Variants in HDAC7 observed in about 807,000 individuals in gnomAD.
The protein encoded by HDAC7 is histone deacetylase 7A.
HDAC7 carries 26 observed loss-of-function variants against 115.5 expected under a neutral mutation model. The observed-to-expected ratio is 0.23, with a 90% confidence interval of 0.16 to 0.31. The LOEUF is 0.31. Among genes scored for constraint, HDAC7 ranks in the 10% least tolerant of loss-of-function variants. The pLI, the probability that HDAC7 is intolerant of heterozygous loss-of-function variation, is 1.00. For synonymous variants in HDAC7, 564 were observed against 550.9 expected (o/e 1.02, Z -0.33); for missense variants, 1,068 against 1,329.0 (o/e 0.80, Z 3.05).
chr12:47,804,913 T>A (rs529421339), intron 1 of HDAC7, among the ~76,000 whole-genome samples: 2 of 152,210 alleles, frequency 1.3e-5, no homozygotes, highest in South Asian at 4.1e-4. Flanking sequence ...CCAGCAGGTA[T>A]GACTTTGCCT....
At chr12:47,784,999 C>T (rs1007300463) in intron 24 of HDAC7, 27 of 589,054 alleles carry the variant, frequency 4.6e-5, no homozygotes, top group South Asian at 1.4e-4. Flanking sequence ...TATCCCAAGA[C>T]GCAGCCCCCA....
At position 47,795,797 on chromosome 12, in the gene HDAC7, A is replaced by C. The variant is rs1943793973; in HGVS notation, c.907-30T>G. On this transcript the variant is annotated intron_variant, in intron 9 of 25. Coordinates refer to ENST00000080059, the MANE Select transcript of HDAC7 (RefSeq NM_015401.5). This position sits in a 1 kb window ranked among gnomAD's most constrained non-coding sequence, Gnocchi z 4.3. The stretch of plus-strand genomic sequence containing the variant: ...GGGAGAGGCGGGAGAAGTCACGGGG[A>C]AGAAGATTCCAGCAGAGAACAATGA... 7 of 1,517,458 alleles carry C rather than the reference A, an allele frequency of 4.6e-6. No individual in the cohort carries two copies. The highest frequency in any genetic ancestry group is 1.4e-5 in the African/African-American group (1 of 72,086). The allele number at this position is 1,517,458 out of a possible 1,614,324, so 94.0% of individuals were successfully genotyped here. A position where few individuals can be genotyped will look rare whatever the true frequency, so the allele number is the denominator to read the frequency against.
chr12:47,791,949 G>A lies in HDAC7; in HGVS notation c.1734C>T (p.Ser578=), dbSNP rs527562410. The change falls in exon 14 of 26, where the codon AGC becomes AGT. Residue 578 remains serine (S), a synonymous_variant. Coordinates refer to ENST00000080059, the MANE Select transcript of HDAC7 (RefSeq NM_015401.5). The part of the protein sequence containing the change: ...LKHQCSCGDN[S]RHPEHAGRIQ... ...TGCGGCCGGCGTGCTCCGGGTGCCT[G>A]CTGTTGTCACCGCAGGAGCACTGGT... 1.6e-5 allele frequency: 25 copies of A among 1,611,406 alleles called. No individual in the cohort carries two copies. In the East Asian group the frequency reaches 4.9e-4, roughly 32 times the overall value.
At chr12:47,814,611 C>G (rs916425611) in intron 1 of HDAC7, among the ~76,000 whole-genome samples, 4 of 152,238 alleles carry the variant, frequency 2.6e-5, no homozygotes, top group African/African-American at 9.6e-5. Flanking sequence ...TGCAGCTCCC[C>G]CTTCTGCTCT....
Position 47,804,539 on chromosome 12 carries a change from A to G in HDAC7, c.20-2265T>C, listed in dbSNP as rs867026571. ...GGGTCAGCCTGAAAAAAAAAAAAAA[A>G]AGAGAAGTAAATGGACCCAAGGTAC... On this transcript the variant is annotated intron_variant, in intron 1 of 25. Transcript: ENST00000080059. Among the ~76,000 whole-genome samples the G allele has an allele frequency of 1.2e-4, 18 of 151,282 alleles. No homozygotes were observed. The South Asian group carries it at 1.7e-3, about 14-fold the overall frequency.
rs546739321 is a variant in HDAC7, at chr12:47,799,761, A to G, written c.71-789T>C. Among the ~76,000 whole-genome samples the G allele has an allele frequency of 1.2e-4, 18 of 152,360 alleles. No homozygotes were observed. In the South Asian group the frequency reaches 3.7e-3, roughly 32 times the overall value. ...AAGGCTGTGGGTGCAGGGGCTATTT[A>G]TAACTGGCCACCAGACTAGGGTCCA... On this transcript the variant is annotated intron_variant, in intron 2 of 25. Coordinates refer to ENST00000080059, the MANE Select transcript of HDAC7 (RefSeq NM_015401.5).
Position 47,795,439 on chromosome 12 carries a change from G to A in HDAC7, c.1088-59C>T, listed in dbSNP as rs754809544. 10 of 1,462,814 alleles carry A rather than the reference G, an allele frequency of 6.8e-6. No homozygotes were observed. Among genetic ancestry groups the A allele is most frequent in the South Asian group, 1.2e-5 (1 of 82,878 alleles). 90.6% of individuals were successfully genotyped at this position (1,462,814 alleles called of 1,614,324 possible). On this transcript the variant is annotated intron_variant, in intron 10 of 25. Transcript: ENST00000080059. The surrounding 1 kb of genome is among the most constrained non-coding windows in gnomAD (Gnocchi z 4.3). ...ACCACAGGGAGCAATGGAAGGAAGC[G>A]AGGGTATAGGGTGGGGGGCCAGGGT...
At chr12:47,818,151 AC>A (rs1017211129) in intron 1 of HDAC7, among the ~76,000 whole-genome samples, 1 of 151,994 alleles carries the variant, frequency 6.6e-6, no homozygotes, top group African/African-American at 2.4e-5. Context: ...CTGCCCCAAA[AC>A]CCACTGTAAG....
intron 22 of HDAC7, 88 bp downstream of exon 22, chr12:47,786,497 T>C: frequency 1.1e-6 from 1 of 923,110 alleles, no homozygotes; most frequent in Non-Finnish European, 1.8e-6. Flanking sequence ...CACTGCCACC[T>C]TCCCTTTCTG....
In HDAC7 at chr12:47,787,744, G is replaced by C; in HGVS notation, c.2421C>G (p.Pro807=). The C allele has an allele frequency of 6.2e-7, 1 of 1,611,526 alleles. No homozygotes were observed. The highest frequency in any genetic ancestry group is 8.5e-7 in the Non-Finnish European group (1 of 1,178,768). The change falls in exon 21 of 26, where the codon CCC becomes CCG. Residue 807 remains proline (P), a synonymous_variant. Coordinates refer to ENST00000080059, the MANE Select transcript of HDAC7 (RefSeq NM_015401.5). ...NVAWAGGLDP[P]MGDPEYLAAF... is the part of the protein sequence containing the mutation. ...CAGCCAGGTACTCAGGATCCCCCATGGGGGGGTCCAGACCTCCAGCCCAGG... is the reference window on the plus strand; with the variant it reads ...CAGCCAGGTACTCAGGATCCCCCATCGGGGGGTCCAGACCTCCAGCCCAGG...
Position 47,783,750 on chromosome 12 carries a change from C to G in HDAC7, c.*91G>C. 1 of 1,310,330 alleles carries G rather than the reference C, an allele frequency of 7.6e-7. No homozygotes were observed. Among genetic ancestry groups the G allele is most frequent in the Non-Finnish European group, 1.1e-6 (1 of 920,698 alleles). 81.2% of individuals were successfully genotyped at this position (1,310,330 alleles called of 1,614,324 possible). A position where few individuals can be genotyped will look rare whatever the true frequency, so the allele number is the denominator to read the frequency against. On this transcript the variant is annotated 3_prime_UTR_variant, in exon 26 of 26. Transcript: ENST00000080059. Reference sequence around the variant, plus strand: ...GGTTCCAACTACTTGCCCACAGGATCTCTAAAGACCCAGGAATGGGGGCTA... The same window carrying G: ...GGTTCCAACTACTTGCCCACAGGATGTCTAAAGACCCAGGAATGGGGGCTA...
In HDAC7 at chr12:47,796,297, G is replaced by T; in HGVS notation, c.705C>A (p.Asp235Glu). 2 of 1,596,070 alleles carry T rather than the reference G, an allele frequency of 1.3e-6. No homozygotes were observed. The highest frequency in any genetic ancestry group is 4.5e-5 in the East Asian group (2 of 44,590). Reference sequence around the variant, plus strand: ...GCGTGCTGCTACTACTTGGGGAGGAGTCTGAGGGTTGGGGAGAGAGGGAAG... The same window carrying T: ...GCGTGCTGCTACTACTTGGGGAGGATTCTGAGGGTTGGGGAGAGAGGGAAG... The part of the protein sequence containing the change: ...LRRRPAETLG[D>E]SSPSSSSTPA... Residue 235 changes from aspartate to glutamate, a missense_variant and splice_region_variant, in exon 8 of 26, where the codon GAC becomes GAA. Physicochemically the swap from Asp to Glu is conservative, Grantham distance 45. This residue lies in a region of HDAC7 where 618 missense variants were observed against 701.5 expected (regional missense o/e 0.88). Coordinates refer to ENST00000080059, the MANE Select transcript of HDAC7 (RefSeq NM_015401.5).
At chr12:47,815,755 G>A (rs1944830667) in intron 1 of HDAC7, among the ~76,000 whole-genome samples, 2 of 152,160 alleles carry the variant, frequency 1.3e-5, no homozygotes, top group South Asian at 4.2e-4. Flanking sequence ...GGGACTACAG[G>A]CCTGCGCCAC....
chr12:47,810,953 G>A (rs1944637219), intron 1 of HDAC7, among the ~76,000 whole-genome samples: 1 of 152,088 alleles, frequency 6.6e-6, no homozygotes, highest in African/African-American at 2.4e-5. Flanking sequence ...CCACTTTCTG[G>A]GGACTAGGAA....
chr12:47,785,576 A>G (rs998925956), intron 23 of HDAC7, 105 bp from the exon 24 acceptor site: 26 of 1,367,608 alleles, frequency 1.9e-5, no homozygotes, highest in Non-Finnish European at 2.5e-5. Flanking sequence ...CACTCTACCT[A>G]GGCCAGGAGA....
chr12:47,804,859 G>A (rs1944327123), intron 1 of HDAC7, among the ~76,000 whole-genome samples: 1 of 151,964 alleles, frequency 6.6e-6, no homozygotes, highest in Non-Finnish European at 1.5e-5. Context: ...CCTCCCTACT[G>A]CTCCTACCTT....
rs1336131988 is a variant in HDAC7, at chr12:47,798,151, G to A, written c.418C>T (p.Leu140=). 2 of 1,613,900 alleles carry A rather than the reference G, an allele frequency of 1.2e-6. No individual in the cohort carries two copies. Residue 140 remains leucine, a synonymous_variant, in exon 5 of 26, where the codon CTA becomes TTA. Transcript: ENST00000080059. This position sits in a 1 kb window ranked among gnomAD's most constrained non-coding sequence, Gnocchi z 4.3. Reference sequence around the variant, plus strand: ...CTGTTGGGATGGACTGTTCTTTCTAGGGCCGCCTGCTGTTTTTTCAGAATC... The same window carrying A: ...CTGTTGGGATGGACTGTTCTTTCTAAGGCCGCCTGCTGTTTTTTCAGAATC... ...EVILKKQQAA[L]ERTVHPNSPG...
At chr12:47,804,208 G>C (rs1415951381) in intron 1 of HDAC7, among the ~76,000 whole-genome samples, 1 of 152,216 alleles carries the variant, frequency 6.6e-6, no homozygotes, top group Non-Finnish European at 1.5e-5. Flanking sequence ...AAAGCTGTGT[G>C]CATGTGTGCA....
rs1320952260 is a variant in HDAC7, at chr12:47,803,567, T to C, written c.20-1293A>G. Among the ~76,000 whole-genome samples the C allele has an allele frequency of 6.6e-6, 1 of 152,122 alleles. No individual in the cohort carries two copies. The highest frequency in any genetic ancestry group is 1.9e-4 in the East Asian group (1 of 5,176). On this transcript the variant is annotated intron_variant, in intron 1 of 25. Coordinates refer to ENST00000080059, the MANE Select transcript of HDAC7 (RefSeq NM_015401.5). This position sits in a 1 kb window ranked among gnomAD's most constrained non-coding sequence, Gnocchi z 4.0. ...GAGGTCCAGCCCAAGTCCATCTCCT[T>C]GGGAGGCTCTCCCTGACCTCTCCCC...
Sources: gnomAD v4.1 joint callset for allele counts (sites outside exome capture counted in the v4.1 genomes callset) on GRCh38, gnomAD v4.1.1 for gene constraint, gnomAD v4.1.1 regional missense constraint, Gnocchi (gnomAD v3.1) non-coding constraint, MANE v1.5 for transcripts, NCBI Gene and HGNC (gene_info 2026-07-23, HGNC 2026-07-21) for gene names.